Variants in SPART observed in about 807,000 individuals in gnomAD.
SPART encodes the protein spastic paraplegia 20 (Troyer syndrome).
In SPART, 35 loss-of-function variants were observed where a neutral mutation model predicts 58.7. That is an observed-to-expected ratio of 0.60 (90% CI 0.46 to 0.79). The LOEUF is 0.79. Ranked by LOEUF, SPART falls within the 30% of genes least tolerant of loss-of-function variation. The pLI is 0.00. For missense variants in SPART, 730 were observed against 786.1 expected (o/e 0.93, Z 0.85); for synonymous variants, 284 against 280.7 (o/e 1.01, Z -0.12).
At chr13:36,307,324 C>A (rs765279181) in intron 8 of SPART, among the ~76,000 whole-genome samples, 1 of 152,064 alleles carries the variant, frequency 6.6e-6, no homozygotes, top group African/African-American at 2.4e-5. Flanking sequence ...CCAATGTGTT[C>A]AGTTATACAA....
At chr13:36,336,995 G>T (rs1465580584) in intron 1 of SPART, among the ~76,000 whole-genome samples, 2 of 152,138 alleles carry the variant, frequency 1.3e-5, no homozygotes, top group Non-Finnish European at 2.9e-5. Context: ...GTGCTTATAG[G>T]TAGAGGCTAC....
intron 5 of SPART, among the ~76,000 whole-genome samples, chr13:36,320,905 A>G (rs1882308238): frequency 6.6e-6 from 1 of 152,220 alleles, no homozygotes; most frequent in African/African-American, 2.4e-5. Context: ...CTTAGTATTC[A>G]GTGAAACCTT....
chr13:36,361,759 T>C (rs1885869376), intron 1 of SPART, among the ~76,000 whole-genome samples: 1 of 152,220 alleles, frequency 6.6e-6, no homozygotes, highest in Admixed American at 6.5e-5. Flanking sequence ...TAAACTTTAC[T>C]AAGCATTTAT....
chr13:36,318,770 T>C (rs1882018232), intron 5 of SPART, among the ~76,000 whole-genome samples: 1 of 152,098 alleles, frequency 6.6e-6, no homozygotes, highest in South Asian at 2.1e-4. Context: ...CCGGGATTCC[T>C]CCTAAGCCCC....
chr13:36,304,723 G>A, intron 8 of SPART, 91 bp from the exon 9 acceptor site: 1 of 1,379,856 alleles, frequency 7.2e-7, no homozygotes, highest in Non-Finnish European at 9.9e-7. Context: ...AATGATTACT[G>A]TGTTACCCCT....
upstream of SPART, among the ~76,000 whole-genome samples, chr13:36,349,629 G>A (rs917636683): frequency 1.2e-4 from 19 of 152,282 alleles, no homozygotes; most frequent in Admixed American, 5.2e-4. Flanking sequence ...TTCCAAATTC[G>A]ATAATTGTGA....
chr13:36,335,872 A>G (rs759084479), intron 1 of SPART, 40 bp from the exon 2 acceptor site: 1 of 1,495,110 alleles, frequency 6.7e-7, no homozygotes, highest in South Asian at 1.1e-5. Flanking sequence ...TTGCTTAGCT[A>G]TTGTTTACTT....
At chr13:36,358,581 A>G in intron 1 of SPART, among the ~76,000 whole-genome samples, 1 of 152,218 alleles carries the variant, frequency 6.6e-6, no homozygotes, top group East Asian at 1.9e-4. Flanking sequence ...CTTTTAAAAG[A>G]GTCAGTTCTG....
At chr13:36,311,235 C>A (rs1202901198) in intron 8 of SPART, among the ~76,000 whole-genome samples, 1 of 152,160 alleles carries the variant, frequency 6.6e-6, no homozygotes, top group Non-Finnish European at 1.5e-5. Flanking sequence ...TCCTCTTGAG[C>A]CACAACACAG....
In SPART at chr13:36,326,642, T is replaced by G. The variant is rs375629579; in HGVS notation, c.1221A>C (p.Pro407=). The stretch of plus-strand genomic sequence containing the variant: ...ATTCTTTTGGCTTTTCTTCTGGAAC[T>G]GGCTCACATGGTACAATGTGACTCA... The part of the protein sequence containing the change: ...VNLSHIVPCE[P]VPEEKPKELP... The change falls in exon 5 of 9, where the codon CCA becomes CCC. Residue 407 remains proline, a synonymous_variant. Transcript: ENST00000438666. 1 of 1,613,374 alleles carries G rather than the reference T, an allele frequency of 6.2e-7. No individual in the cohort carries two copies. Among genetic ancestry groups the G allele is most frequent in the Non-Finnish European group, 8.5e-7 (1 of 1,179,860 alleles).
chr13:36,339,536 CAGG>C (rs1237714379), intron 1 of SPART, among the ~76,000 whole-genome samples: 1 of 139,814 alleles, frequency 7.2e-6, no homozygotes, highest in Non-Finnish European at 1.5e-5. Flanking sequence ...GAAGCTGAGA[CAGG>C]AGAATTGCTT....
At chr13:36,318,968 G>A (rs1375249862) in intron 5 of SPART, among the ~76,000 whole-genome samples, 2 of 152,266 alleles carry the variant, frequency 1.3e-5, no homozygotes, top group Admixed American at 6.5e-5. Flanking sequence ...CGGACGCTGA[G>A]CTTCAGGTAA....
chr13:36,347,086 A>G (rs1885194943), upstream of SPART, among the ~76,000 whole-genome samples: 1 of 152,112 alleles, frequency 6.6e-6, no homozygotes, highest in Non-Finnish European at 1.5e-5. Flanking sequence ...CCTTCTTGAC[A>G]AGTGTTTTTA....
At chr13:36,327,265 T>C (rs550150082) in intron 4 of SPART, among the ~76,000 whole-genome samples, 4 of 152,304 alleles carry the variant, frequency 2.6e-5, no homozygotes, top group African/African-American at 7.2e-5. Context: ...ACCCAAACTC[T>C]TAAAGCTAAA....
intron 1 of SPART, among the ~76,000 whole-genome samples, chr13:36,366,417 T>C (rs983309373): frequency 6.6e-6 from 1 of 152,176 alleles, no homozygotes; most frequent in African/African-American, 2.4e-5. Flanking sequence ...CACTTCCTCA[T>C]TAATTCAAAG....
At position 36,312,276 on chromosome 13, in the gene SPART, A is replaced by C. The variant is rs1442410184; in HGVS notation, c.1643-41T>G. 1.9e-6 allele frequency: 3 copies of C among 1,614,014 alleles called. No individual in the cohort carries two copies. In the Admixed American group the frequency reaches 5.0e-5, roughly 27 times the overall value. On this transcript the variant is annotated intron_variant, in intron 7 of 8. Transcript: ENST00000438666. ...TTAAAACGATGTAAATCTAGTCCAA[A>C]GCAAACGGACCTTCATAGTTAAAAT...
At chr13:36,366,909 A>G (rs1886079870) in intron 1 of SPART, among the ~76,000 whole-genome samples, 1 of 152,200 alleles carries the variant, frequency 6.6e-6, no homozygotes, top group Admixed American at 6.5e-5. Context: ...TGAAGCAATC[A>G]AACTCCAAAT....
chr13:36,364,524 G>T (rs976808540), intron 1 of SPART, among the ~76,000 whole-genome samples: 1 of 152,110 alleles, frequency 6.6e-6, no homozygotes, highest in African/African-American at 2.4e-5. Context: ...AGCTCACGTT[G>T]TTCTGATGGC....
rs746153229 is a variant in SPART, at chr13:36,312,337, C to T, written c.1624G>A (p.Ala542Thr). 2.5e-6 allele frequency: 4 copies of T among 1,614,008 alleles called. No homozygotes were observed. In the East Asian group the frequency reaches 8.9e-5, roughly 36 times the overall value. Residue 542 changes from alanine to threonine, a missense_variant, in exon 7 of 9, where the codon GCA (alanine) becomes ACA (threonine). Transcript: ENST00000438666. ...TTGTTACCTTGAACACTACTTGCTG[C>T]TACAACCATAGCACCATCCAGAGGA... Reference protein sequence around the residue: ...KSPLDGAMVVAASSVQGFSTV... With the variant: ...KSPLDGAMVVTASSVQGFSTV...
Sources: gnomAD v4.1 joint callset for allele counts (sites outside exome capture counted in the v4.1 genomes callset) on GRCh38, gnomAD v4.1.1 for gene constraint, MANE v1.5 for transcripts, NCBI Gene and HGNC (gene_info 2026-07-23, HGNC 2026-07-21) for gene names.